RAB28: variants seen among roughly 807,000 people sequenced by gnomAD.
RAB28 encodes the protein ras-related protein Rab-28.
A neutral mutation model predicts 31.7 loss-of-function variants in RAB28; 24 were observed. The ratio of observed to expected loss-of-function variants is 0.76; its 90% CI spans 0.55 to 1.06. The LOEUF (loss-of-function observed/expected upper bound fraction) is 1.06. Ranked by LOEUF, RAB28 falls within the 50% of genes least tolerant of loss-of-function variation. The pLI is 0.00. For missense variants in RAB28, 254 were observed against 258.5 expected (o/e 0.98, Z 0.12); for synonymous variants, 100 against 90.4 (o/e 1.11, Z -0.60).
chr4:13,383,065 T>C (rs971789208), intron 4 of RAB28, among the ~76,000 whole-genome samples: 1 of 152,130 alleles, frequency 6.6e-6, no homozygotes, highest in Non-Finnish European at 1.5e-5. Context: ...TAAACATCAC[T>C]ATCTCCTTAT....
rs372608074 is a variant in RAB28 at position 13,426,964 on chromosome 4, G to A, written c.391+33735C>T. On this transcript the variant is annotated intron_variant, in intron 4 of 6. Transcript: ENST00000330852. Reference sequence around the variant, plus strand: ...ACTGCCTAATAAAAGTTTGGTTTGTGTGGGTTATTAATCATCATTAACATC... The same window carrying A: ...ACTGCCTAATAAAAGTTTGGTTTGTATGGGTTATTAATCATCATTAACATC... 2.1e-4 allele frequency among the ~76,000 whole-genome samples: 32 copies of A among 152,266 alleles called. No individual in the cohort carries two copies. In the South Asian group the frequency reaches 6.4e-3, roughly 31 times the overall value.
intron 3 of RAB28, among the ~76,000 whole-genome samples, chr4:13,462,986 A>G (rs1715673959): frequency 6.6e-6 from 1 of 152,186 alleles, no homozygotes. Flanking sequence ...TCCTGACCCC[A>G]TCTATTGATC....
chr4:13,483,820 G>A (rs1326715587), intron 1 of RAB28, among the ~76,000 whole-genome samples: 2 of 152,244 alleles, frequency 1.3e-5, no homozygotes, highest in Admixed American at 6.5e-5. Context: ...TGAAAGGCTG[G>A]CCCGAGTCTT....
At chr4:13,401,815 G>A (rs1471165465) in intron 4 of RAB28, among the ~76,000 whole-genome samples, 1 of 150,904 alleles carries the variant, frequency 6.6e-6, no homozygotes, top group African/African-American at 2.4e-5. Flanking sequence ...TTCTTTTTCT[G>A]CTCACTTGCC....
intron 3 of RAB28, among the ~76,000 whole-genome samples, chr4:13,472,126 C>T (rs1391741559): frequency 6.6e-6 from 1 of 151,884 alleles, no homozygotes; most frequent in African/African-American, 2.4e-5. Context: ...TACTAAATGA[C>T]ACCGATTATA....
At position 13,460,817 on chromosome 4, in the gene RAB28, C is replaced by A; in HGVS notation, c.273G>T (p.Leu91Phe). 6.2e-7 allele frequency: 1 copy of A among 1,611,310 alleles called. No individual in the cohort carries two copies. The highest frequency in any genetic ancestry group is 1.1e-5 in the South Asian group (1 of 90,782). Residue 91 changes from leucine to phenylalanine, a missense_variant, in exon 4 of 7, where the codon TTG (leucine) becomes TTT (phenylalanine). Leu to Phe is a conservative substitution (Grantham distance 22). Transcript: ENST00000330852. ...KYIYGAQGVL[L>F]VYDITNYQSF... ...TTTGATAATTTGTAATATCATATAC[C>A]AAGAGGACTCCCTGTCACAAAAGAG...
intron 6 of RAB28, among the ~76,000 whole-genome samples, chr4:13,376,254 C>T (rs1250909964): frequency 2.0e-5 from 3 of 152,036 alleles, no homozygotes; most frequent in African/African-American, 7.2e-5. Flanking sequence ...AAGTGCCAAA[C>T]AATGTGGTCA....
Position 13,368,542 on chromosome 4 carries a change from CAA to C in RAB28, c.*14_*15del. 1 of 1,600,016 alleles carries C rather than the reference CAA, an allele frequency of 6.2e-7. No homozygotes were observed. Among genetic ancestry groups the C allele is most frequent in the Non-Finnish European group, 8.5e-7 (1 of 1,174,272 alleles). ...TGAAGGGCAGCCAGAACTATCAACA[CAA>C]AAGAAAAATGCGCTCACTGAACTGC... On this transcript the variant is annotated 3_prime_UTR_variant, in exon 7 of 7. Coordinates refer to ENST00000330852, the MANE Select transcript of RAB28 (RefSeq NM_001017979.3).
chr4:13,456,114 C>G (rs1325163877), intron 4 of RAB28, among the ~76,000 whole-genome samples: 2 of 152,142 alleles, frequency 1.3e-5, no homozygotes, highest in Admixed American at 1.3e-4. Context: ...AACCTTTCAG[C>G]AAATTTACAA....
chr4:13,484,004 G>A, intron 1 of RAB28, 72 bp downstream of exon 1: 1 of 1,409,290 alleles, frequency 7.1e-7, no homozygotes, highest in Non-Finnish European at 9.8e-7. Context: ...GCGACGCCGG[G>A]CGGCGGGGAG....
chr4:13,417,710 A>G (rs1326939206), intron 4 of RAB28, among the ~76,000 whole-genome samples: 19 of 152,210 alleles, frequency 1.2e-4, no homozygotes, highest in Admixed American at 1.2e-3. Context: ...CAACATCAAC[A>G]AAAAGGACAT....
At chr4:13,381,042 T>C (rs2108882042) in intron 5 of RAB28, among the ~76,000 whole-genome samples, 1 of 152,178 alleles carries the variant, frequency 6.6e-6, no homozygotes, top group East Asian at 1.9e-4. Context: ...TCCTCTCTCC[T>C]CCACTTATTA....
In RAB28 at chr4:13,397,762, T is replaced by C. The variant is rs369995995; in HGVS notation, c.392-16168A>G. ...GATTTTCTCTACAATTATTATCACC[T>C]GACTCTGCCAGATATTCATTTGTTA... On this transcript the variant is annotated intron_variant, in intron 4 of 6. Transcript: ENST00000330852. Among the ~76,000 whole-genome samples the C allele has an allele frequency of 9.2e-5, 14 of 152,286 alleles. No individual in the cohort carries two copies. In the East Asian group the frequency reaches 2.5e-3, roughly 27 times the overall value.
At chr4:13,368,676 T>C (rs1335809421) in intron 6 of RAB28, 26 bp from the exon 7 acceptor site, 3 of 1,568,626 alleles carry the variant, frequency 1.9e-6, no homozygotes, top group Non-Finnish European at 2.6e-6. Context: ...ACAGAGTTAT[T>C]ATCAGGATAT....
chr4:13,482,873 G>A lies in RAB28; in HGVS notation c.75+1203C>T, dbSNP rs920332017. Among the ~76,000 whole-genome samples the A allele has an allele frequency of 2.6e-5, 4 of 152,194 alleles. No homozygotes were observed. In the East Asian group the frequency reaches 5.8e-4, roughly 22 times the overall value. Reference sequence around the variant, plus strand: ...AATGTCAGAACCAAAGGCAGAAGCAGGTATCTGGGCAGTGCCAACTGTCAG... The same window carrying A: ...AATGTCAGAACCAAAGGCAGAAGCAAGTATCTGGGCAGTGCCAACTGTCAG... On this transcript the variant is annotated intron_variant, in intron 1 of 6. Transcript: ENST00000330852.
chr4:13,375,912 G>A (rs547758703), intron 6 of RAB28, among the ~76,000 whole-genome samples: 55 of 152,178 alleles, frequency 3.6e-4, no homozygotes, highest in African/African-American at 1.2e-3. Context: ...TGCGAATGGG[G>A]TGGAAGAAAT....
At chr4:13,413,372 G>C (rs1478253396) in intron 4 of RAB28, among the ~76,000 whole-genome samples, 1 of 152,204 alleles carries the variant, frequency 6.6e-6, no homozygotes, top group Non-Finnish European at 1.5e-5. Flanking sequence ...AGGAAATAAA[G>C]TGTGGCAAAC....
intron 4 of RAB28, among the ~76,000 whole-genome samples, chr4:13,382,492 T>C (rs1729172551): frequency 1.3e-5 from 2 of 151,948 alleles, no homozygotes; most frequent in Non-Finnish European, 2.9e-5. Flanking sequence ...CTTGTAAATT[T>C]GCAAATCTAG....
chr4:13,375,350 T>C (rs1560266111), intron 6 of RAB28, among the ~76,000 whole-genome samples: 2 of 152,220 alleles, frequency 1.3e-5, no homozygotes, highest in Non-Finnish European at 2.9e-5. Flanking sequence ...CTTTTAATTC[T>C]TTTTTAGACC....
Sources: allele counts gnomAD v4.1 joint callset (sites outside exome capture counted in the v4.1 genomes callset), GRCh38; gene constraint gnomAD v4.1.1; transcripts MANE v1.5; gene names NCBI Gene and HGNC (gene_info 2026-07-23, HGNC 2026-07-21).